SYNPR: variants seen among roughly 807,000 people sequenced by gnomAD.
SYNPR encodes synaptoporin.
Under a neutral mutation model 32.9 loss-of-function variants are expected in SYNPR, and 23 were observed. The ratio of observed to expected loss-of-function variants is 0.70; its 90% CI spans 0.50 to 0.99. SYNPR has a LOEUF of 0.99. SYNPR is among the 50% of genes least tolerant of loss of function. The probability of loss-of-function intolerance (pLI) is 0.00; values close to 1 mark genes in which losing one functional copy is unlikely to be tolerated. For missense variants in SYNPR, 318 were observed against 349.3 expected, an observed-to-expected ratio of 0.91 and a Z score of 0.71; for synonymous variants, 146 against 135.9, an observed-to-expected ratio of 1.07 and a Z score of -0.52.
At chr3:63,286,472 T>C (rs2086683570) in intron 2 of SYNPR, among the ~76,000 whole-genome samples, 1 of 152,202 alleles carries the variant, frequency 6.6e-6, no homozygotes, top group Admixed American at 6.5e-5. Context: ...CTCCAGGCCC[T>C]TGGGTGTTCC....
intron 2 of SYNPR, among the ~76,000 whole-genome samples, chr3:63,394,290 T>C (rs889990848): frequency 2.2e-4 from 34 of 152,244 alleles, no homozygotes; most frequent in African/African-American, 8.2e-4. Context: ...TTCTATTTTC[T>C]GCTCATTCTT....
chr3:63,544,885 C>T (rs567472676), intron 3 of SYNPR, among the ~76,000 whole-genome samples: 2 of 152,128 alleles, frequency 1.3e-5, no homozygotes, highest in South Asian at 2.1e-4. Context: ...CACACACACA[C>T]ACACACAATC....
At position 63,244,999 on chromosome 3, in the gene SYNPR, G is replaced by T. The variant is rs188504296; in HGVS notation, n.67-7500G>T. Among the ~76,000 whole-genome samples, 48 of 152,184 alleles carry T rather than the reference G, an allele frequency of 3.2e-4. No individual in the cohort carries two copies. In the East Asian group the frequency reaches 7.5e-3, roughly 24 times the overall value. ...CTCGGAAAAACTAGGATAAGGAAAAGACATTAGGATACATTTTAAACATAA... is the reference window on the plus strand; with the variant it reads ...CTCGGAAAAACTAGGATAAGGAAAATACATTAGGATACATTTTAAACATAA... On this transcript the variant is annotated intron_variant and non_coding_transcript_variant, in intron 1 of 4. Coordinates refer to the SYNPR transcript ENST00000478456.
At chr3:63,336,884 A>G (rs2087302469) in intron 2 of SYNPR, among the ~76,000 whole-genome samples, 1 of 152,166 alleles carries the variant, frequency 6.6e-6, no homozygotes, top group Non-Finnish European at 1.5e-5. Flanking sequence ...TATATAAAAA[A>G]TTATTAATAC....
intron 2 of SYNPR, among the ~76,000 whole-genome samples, chr3:63,264,642 C>T (rs778238961): frequency 5.1e-4 from 78 of 152,222 alleles, no homozygotes; most frequent in Non-Finnish European, 1.6e-4. Context: ...AACAGAAATT[C>T]GGTATATTAG....
chr3:63,361,815 C>T (rs1218323823), intron 2 of SYNPR, among the ~76,000 whole-genome samples: 2 of 151,270 alleles, frequency 1.3e-5, no homozygotes, highest in Non-Finnish European at 2.9e-5. Flanking sequence ...TTTCTACACA[C>T]ATATATATAT....
At chr3:63,400,808 C>T (rs191076718) in intron 2 of SYNPR, among the ~76,000 whole-genome samples, 60 of 152,198 alleles carry the variant, frequency 3.9e-4, no homozygotes, top group East Asian at 3.1e-3. Flanking sequence ...ATGGGGAAGA[C>T]GTAATTTCCC....
chr3:63,244,870 C>T (rs962520414), intron 1 of SYNPR, among the ~76,000 whole-genome samples: 2 of 152,068 alleles, frequency 1.3e-5, no homozygotes, highest in Non-Finnish European at 2.9e-5. Context: ...GAAAGCTCTT[C>T]TTATTTGCAT....
intron 2 of SYNPR, among the ~76,000 whole-genome samples, chr3:63,254,661 T>C (rs1172527187): frequency 6.6e-6 from 1 of 152,172 alleles, no homozygotes; most frequent in African/African-American, 2.4e-5. Flanking sequence ...GGGTCTGTCA[T>C]ATGCATTATA....
chr3:63,250,374 CCACGCCTGGGGCAATTATT>C (rs1214932560), intron 1 of SYNPR, among the ~76,000 whole-genome samples: 5 of 151,622 alleles, frequency 3.3e-5, no homozygotes, highest in African/African-American at 1.2e-4. Flanking sequence ...TCCAAGATCT[CCACGCCTGGGGCAATTATT>C]CATTCCTAAC....
chr3:63,575,150 T>C (rs983068310), intron 4 of SYNPR, among the ~76,000 whole-genome samples: 2 of 152,150 alleles, frequency 1.3e-5, no homozygotes, highest in South Asian at 4.1e-4. Flanking sequence ...AGCTGAGTAT[T>C]AGATGTATAG....
intron 2 of SYNPR, among the ~76,000 whole-genome samples, chr3:63,302,337 T>C (rs1338965835): frequency 2.0e-5 from 3 of 152,026 alleles, no homozygotes; most frequent in Non-Finnish European, 2.9e-5. Flanking sequence ...CTAAACACTT[T>C]AGAGTTTTCC....
intron 3 of SYNPR, among the ~76,000 whole-genome samples, chr3:63,548,735 G>T (rs1048345099): frequency 2.0e-5 from 3 of 152,076 alleles, no homozygotes; most frequent in African/African-American, 7.2e-5. Context: ...ATTGCCCTCT[G>T]ATCTTGAATT....
chr3:63,218,549 G>T, the SYNPR span, among the ~76,000 whole-genome samples: 380 of 152,274 alleles, frequency 2.5e-3, 6 homozygotes, highest in African/African-American at 8.5e-3. Flanking sequence ...TCCTACCTTT[G>T]CCTCTAACCT....
intron 3 of SYNPR, among the ~76,000 whole-genome samples, chr3:63,509,155 T>TATACACACACAG (rs1394859308): frequency 4.0e-5 from 6 of 151,552 alleles, no homozygotes; most frequent in Non-Finnish European, 7.4e-5. Context: ...GGTATATCTA[T>TATACACACACAG]ATACACACAC....
At chr3:63,219,841 G>T in the SYNPR span, among the ~76,000 whole-genome samples, 1 of 152,188 alleles carries the variant, frequency 6.6e-6, no homozygotes, top group African/African-American at 2.4e-5. Context: ...AGGGGTGGCA[G>T]AGGTGGAGGT....
intron 4 of SYNPR, among the ~76,000 whole-genome samples, chr3:63,573,035 A>G (rs922466919): frequency 4.6e-5 from 7 of 152,090 alleles, no homozygotes; most frequent in African/African-American, 1.7e-4. Flanking sequence ...AATAAAATGA[A>G]CCTCAGGGAG....
At chr3:63,249,660 G>T (rs1323245252) in intron 1 of SYNPR, among the ~76,000 whole-genome samples, 2 of 152,108 alleles carry the variant, frequency 1.3e-5, no homozygotes, top group African/African-American at 4.8e-5. Flanking sequence ...ACTTACTCAT[G>T]TAACCAAATA....
intron 2 of SYNPR, among the ~76,000 whole-genome samples, chr3:63,304,137 A>AT (rs2086884367): frequency 6.6e-6 from 1 of 152,078 alleles, no homozygotes; most frequent in South Asian, 2.1e-4. Flanking sequence ...AAATGGCAAA[A>AT]TTTTTTGAAA....
Sources: allele counts gnomAD v4.1 joint callset (sites outside exome capture counted in the v4.1 genomes callset), GRCh38; gene constraint gnomAD v4.1.1; transcripts MANE v1.5; gene names NCBI Gene and HGNC (gene_info 2026-07-23, HGNC 2026-07-21).